NR6A1: variants seen among roughly 807,000 people sequenced by gnomAD.
The protein encoded by NR6A1 is nuclear receptor subfamily 6 group A member 1.
A neutral mutation model predicts 59.1 loss-of-function variants in NR6A1; 7 were observed. The observed-to-expected ratio is 0.12, with a 90% CI of 0.07 to 0.22. The LOEUF (loss-of-function observed/expected upper bound fraction) is 0.22, where lower values mean the gene tolerates loss of function less well. Ranked by LOEUF, NR6A1 falls within the 10% of genes least tolerant of loss-of-function variation. NR6A1 has a pLI of 1.00. For missense variants in NR6A1, 468 were observed against 611.6 expected (o/e 0.77, Z 2.48); for synonymous variants, 243 against 236.1 (o/e 1.03, Z -0.27).
At chr9:124,599,618 C>A in intron 2 of NR6A1, 1 of 1,175,576 alleles carries the variant, frequency 8.5e-7, no homozygotes. Context: ...CTGAGTCGGT[C>A]GTCGCCGGCT....
chr9:124,701,120 T>C (rs549495808), intron 2 of NR6A1, among the ~76,000 whole-genome samples: 5 of 152,184 alleles, frequency 3.3e-5, no homozygotes, highest in African/African-American at 1.2e-4. Context: ...AGGAGTGGAA[T>C]TGCTGGATCA....
intron 2 of NR6A1, among the ~76,000 whole-genome samples, chr9:124,654,421 C>T (rs994151399): frequency 2.0e-5 from 3 of 152,110 alleles, no homozygotes; most frequent in East Asian, 1.9e-4. Flanking sequence ...GTGATAGGGC[C>T]CCATCCCACC....
rs1260046157 is a variant in NR6A1, at chr9:124,536,152, GAA to G, written c.825-22_825-21del. On this transcript the variant is annotated intron_variant, in intron 6 of 9. Transcript: ENST00000487099. ...GCGTATCTGAGGGGCAGGGACAGGG[GAA>G]AGTCACTTCCATTGGTCAGAGGGTG... is the stretch of plus-strand genomic sequence containing the variant. The G allele has an allele frequency of 6.2e-7, 1 of 1,605,412 alleles. No homozygotes were observed. Among genetic ancestry groups the G allele is most frequent in the Non-Finnish European group, 8.5e-7 (1 of 1,174,804 alleles).
intron 2 of NR6A1, among the ~76,000 whole-genome samples, chr9:124,679,502 C>T (rs1272458938): frequency 6.6e-6 from 1 of 152,092 alleles, no homozygotes; most frequent in African/African-American, 2.4e-5. Flanking sequence ...CCGTAGGGAG[C>T]CAAAGAGGGT....
At chr9:124,580,928 A>G (rs1325828869) in intron 2 of NR6A1, among the ~76,000 whole-genome samples, 1 of 152,164 alleles carries the variant, frequency 6.6e-6, no homozygotes, top group African/African-American at 2.4e-5. Flanking sequence ...TGGTACTGGT[A>G]TGAGAACAGA....
chr9:124,647,019 A>G (rs1392809974), intron 2 of NR6A1, among the ~76,000 whole-genome samples: 1 of 152,206 alleles, frequency 6.6e-6, no homozygotes, highest in East Asian at 1.9e-4. Flanking sequence ...GGCTCAAATG[A>G]TCTTCCTGCC....
chr9:124,736,238 G>A (rs540027681), intron 1 of NR6A1, among the ~76,000 whole-genome samples: 2 of 151,982 alleles, frequency 1.3e-5, no homozygotes, highest in African/African-American at 4.8e-5. Context: ...TTAAATGAAC[G>A]GACTATACTA....
At chr9:124,529,723 G>A (rs527722721) in intron 7 of NR6A1, among the ~76,000 whole-genome samples, 5 of 152,304 alleles carry the variant, frequency 3.3e-5, no homozygotes, top group Middle Eastern at 3.4e-3. Context: ...ACCTTGGGAG[G>A]ATGTCAGGTC....
At chr9:124,600,587 T>C (rs1835419481) in intron 2 of NR6A1, among the ~76,000 whole-genome samples, 1 of 152,206 alleles carries the variant, frequency 6.6e-6, no homozygotes, top group Non-Finnish European at 1.5e-5. Flanking sequence ...AATAATATTA[T>C]GTGATCCTTG....
intron 2 of NR6A1, among the ~76,000 whole-genome samples, chr9:124,724,054 A>G (rs1411107916): frequency 6.6e-6 from 1 of 152,270 alleles, no homozygotes; most frequent in Non-Finnish European, 1.5e-5. Flanking sequence ...ATGGTTAAAT[A>G]AATCATGATA....
At chr9:124,669,368 A>G (rs541940264) in intron 2 of NR6A1, among the ~76,000 whole-genome samples, 10 of 152,338 alleles carry the variant, frequency 6.6e-5, no homozygotes, top group African/African-American at 2.4e-4. Flanking sequence ...CAAAAATGGC[A>G]TTTATTCAAC....
At chr9:124,701,239 G>A (rs1838942246) in intron 2 of NR6A1, among the ~76,000 whole-genome samples, 1 of 152,114 alleles carries the variant, frequency 6.6e-6, no homozygotes, top group Non-Finnish European at 1.5e-5. Flanking sequence ...ACACTTTCTA[G>A]AACATTTTGA....
chr9:124,567,095 G>C (rs1380558167), intron 2 of NR6A1, among the ~76,000 whole-genome samples: 2 of 150,618 alleles, frequency 1.3e-5, no homozygotes, highest in Non-Finnish European at 3.0e-5. Flanking sequence ...GCGACAGAGC[G>C]AGACTCCGTC....
At chr9:124,537,201 T>C (rs1258252967) in intron 6 of NR6A1, among the ~76,000 whole-genome samples, 2 of 152,052 alleles carry the variant, frequency 1.3e-5, no homozygotes, top group Admixed American at 6.5e-5. Flanking sequence ...GCAATTCTCC[T>C]GCCTCAGCTT....
chr9:124,692,127 A>G (rs1046571586), intron 2 of NR6A1, among the ~76,000 whole-genome samples: 3 of 152,222 alleles, frequency 2.0e-5, no homozygotes, highest in African/African-American at 7.2e-5. Context: ...TACAAATCCT[A>G]GTATATAGCA....
chr9:124,750,492 G>A (rs1200395194), intron 1 of NR6A1, among the ~76,000 whole-genome samples: 1 of 152,180 alleles, frequency 6.6e-6, no homozygotes, highest in African/African-American at 2.4e-5. Context: ...CAGGCGCGGT[G>A]GCTCACGCCT....
intron 2 of NR6A1, among the ~76,000 whole-genome samples, chr9:124,715,182 G>A (rs1839380081): frequency 6.6e-6 from 1 of 151,018 alleles, no homozygotes; most frequent in Admixed American, 6.6e-5. Flanking sequence ...TGGTGACAGA[G>A]TGAGTGAGAC....
intron 2 of NR6A1, among the ~76,000 whole-genome samples, chr9:124,666,275 C>CTTTT (rs922378385): frequency 0.019 from 1,950 of 102,954 alleles, 161 homozygotes; most frequent in East Asian, 0.088. Context: ...CTATGTGGTT[C>CTTTT]TTTTTTTTTT....
At chr9:124,668,849 G>A (rs1837704784) in intron 2 of NR6A1, among the ~76,000 whole-genome samples, 1 of 152,048 alleles carries the variant, frequency 6.6e-6, no homozygotes, top group Non-Finnish European at 1.5e-5. Context: ...CTCATCCTAA[G>A]CTCGCAAACA....
Sources: allele counts gnomAD v4.1 joint callset (sites outside exome capture counted in the v4.1 genomes callset), GRCh38; gene constraint gnomAD v4.1.1; transcripts MANE v1.5; gene names NCBI Gene and HGNC (gene_info 2026-07-23, HGNC 2026-07-21).